CEP70: variants seen among roughly 807,000 people sequenced by gnomAD.
The protein encoded by CEP70 is centrosomal protein 70.
In CEP70, 70 loss-of-function variants were observed where a neutral mutation model predicts 90.9. The observed-to-expected ratio is 0.77, with a 90% confidence interval of 0.64 to 0.94. The LOEUF is 0.94. Among genes scored for constraint, CEP70 ranks in the 40% least tolerant of loss-of-function variants. The probability of loss-of-function intolerance (pLI) is 0.00; values close to 1 mark genes in which losing one functional copy is unlikely to be tolerated. For synonymous variants in CEP70, 220 were observed against 228.3 expected (o/e 0.96, Z 0.33); for missense variants, 648 against 669.0 (o/e 0.97, Z 0.35).
chr3:138,530,898 A>T, intron 8 of CEP70: 6 of 950,676 alleles, frequency 6.3e-6, no homozygotes, highest in Non-Finnish European at 7.5e-6. Context: ...TGAGTTTATA[A>T]TATAAACTCC....
Position 138,560,578 on chromosome 3 carries a change from G to A in CEP70, c.465+9740C>T, listed in dbSNP as rs372334189. 4.6e-5 allele frequency among the ~76,000 whole-genome samples: 7 copies of A among 151,982 alleles called. No individual in the cohort carries two copies. In the East Asian group the frequency reaches 1.4e-3, roughly 29 times the overall value. On this transcript the variant is annotated intron_variant, in intron 6 of 17. Coordinates refer to ENST00000264982, the MANE Select transcript of CEP70 (RefSeq NM_024491.4). ...GCCAGGGAGCCAAGAGGTCTGGGTA[G>A]GCAGGTCCCACCCCCATGGAGCCCA...
chr3:138,516,341 C>A (rs981835701), intron 11 of CEP70, among the ~76,000 whole-genome samples: 3 of 151,890 alleles, frequency 2.0e-5, no homozygotes, highest in Non-Finnish European at 2.9e-5. Flanking sequence ...GAACCTTCCA[C>A]TTCTCTTTTC....
intron 11 of CEP70, among the ~76,000 whole-genome samples, chr3:138,523,927 A>G (rs1208712164): frequency 6.6e-6 from 1 of 151,706 alleles, no homozygotes; most frequent in Non-Finnish European, 1.5e-5. Flanking sequence ...GTCAATCCTA[A>G]GCCAAAAGAA....
intron 2 of CEP70, among the ~76,000 whole-genome samples, chr3:138,590,823 T>TA (rs149845657): frequency 0.051 from 7,261 of 142,670 alleles, 542 homozygotes; most frequent in African/African-American, 0.17. Context: ...AAATAAATAA[T>TA]AAAAAAAAAA....
intron 1 of CEP70, among the ~76,000 whole-genome samples, chr3:138,592,280 T>C (rs1219185483): frequency 6.6e-6 from 1 of 152,214 alleles, no homozygotes; most frequent in Non-Finnish European, 1.5e-5. Context: ...AAATGAAGCA[T>C]CCTCAGACAA....
chr3:138,539,035 G>A (rs1477744247), intron 6 of CEP70, among the ~76,000 whole-genome samples: 1 of 152,148 alleles, frequency 6.6e-6, no homozygotes, highest in Non-Finnish European at 1.5e-5. Context: ...GTTTGTTTGA[G>A]ACAGAGTCTC....
chr3:138,561,100 C>T (rs1430012558), intron 6 of CEP70, among the ~76,000 whole-genome samples: 3 of 152,130 alleles, frequency 2.0e-5, no homozygotes, highest in African/African-American at 4.8e-5. Context: ...GATTGGGAGA[C>T]ACCTCCCAGT....
At position 138,570,330 on chromosome 3, in the gene CEP70, C is replaced by A. The variant is rs2041078942; in HGVS notation, c.453G>T (p.Gln151His). 6.3e-7 allele frequency: 1 copy of A among 1,579,552 alleles called. No homozygotes were observed. Among genetic ancestry groups the A allele is most frequent in the South Asian group, 1.2e-5 (1 of 84,488 alleles). The change falls in exon 6 of 18, where the codon CAG becomes CAT. Residue 151 changes from glutamine to histidine, a missense_variant. Transcript: ENST00000264982. ...CATAACTCAGTACCTGTAAAGTTTT[C>A]TGCTCCTTTTGAAGATCTTTTATTT... ...QNKIKDLQKE[Q>H]KTLQVKCQHY...
chr3:138,539,146 TTACCATCACACCTGGATAGTTGCG>T (rs1036993642), intron 6 of CEP70, among the ~76,000 whole-genome samples: 5 of 152,182 alleles, frequency 3.3e-5, no homozygotes, highest in South Asian at 2.1e-4. Context: ...GTTGCTAGGA[TTACCATCACACCTGGATAGTTGCG>T]TACCATCACA....
chr3:138,551,942 T>A (rs1425694416), intron 6 of CEP70, among the ~76,000 whole-genome samples: 1 of 151,916 alleles, frequency 6.6e-6, no homozygotes, highest in Admixed American at 6.6e-5. Context: ...AACTAACATA[T>A]AAGGACTTAC....
chr3:138,565,273 A>G (rs981050635), intron 6 of CEP70, among the ~76,000 whole-genome samples: 1 of 152,232 alleles, frequency 6.6e-6, no homozygotes, highest in Non-Finnish European at 1.5e-5. Context: ...ATATTGCCCA[A>G]AGTAATTTAT....
chr3:138,589,728 G>C (rs1405716733), intron 2 of CEP70, among the ~76,000 whole-genome samples: 1 of 151,964 alleles, frequency 6.6e-6, no homozygotes, highest in Non-Finnish European at 1.5e-5. Flanking sequence ...ATAAGAAGAA[G>C]AAAAATTAGA....
chr3:138,530,100 A>G (rs149985933), intron 8 of CEP70, among the ~76,000 whole-genome samples: 355 of 152,340 alleles, frequency 2.3e-3, no homozygotes, highest in African/African-American at 8.1e-3. Context: ...GTGCTAGCAA[A>G]TAAGTATGAT....
intron 7 of CEP70, among the ~76,000 whole-genome samples, chr3:138,535,772 T>G (rs1056139404): frequency 2.0e-5 from 3 of 152,070 alleles, no homozygotes; most frequent in Non-Finnish European, 4.4e-5. Flanking sequence ...TTTTTGTTTT[T>G]TCATTCTTCC....
intron 3 of CEP70, among the ~76,000 whole-genome samples, chr3:138,572,366 C>G (rs910867062): frequency 1.3e-5 from 2 of 152,152 alleles, no homozygotes; most frequent in African/African-American, 2.4e-5. Context: ...CAGAGTTTAA[C>G]TACGTGGTAG....
At chr3:138,546,578 G>A (rs564948693) in intron 6 of CEP70, among the ~76,000 whole-genome samples, 26 of 152,100 alleles carry the variant, frequency 1.7e-4, no homozygotes, top group African/African-American at 3.6e-4. Context: ...GTGAAACCCC[G>A]TCTCTACTGA....
rs1178504596 is a variant in CEP70, at chr3:138,583,071, AC to A, written c.-6+8782del. Among the ~76,000 whole-genome samples, 4 of 152,304 alleles carry A rather than the reference AC, an allele frequency of 2.6e-5. No individual in the cohort carries two copies. In the East Asian group the frequency reaches 7.7e-4, roughly 29 times the overall value. ...AACACTAGAGTGGCCGAACTGAAAT[AC>A]ACTTCACCTATAAAGACACATATAG... On this transcript the variant is annotated intron_variant, in intron 2 of 17. Coordinates refer to ENST00000264982, the MANE Select transcript of CEP70 (RefSeq NM_024491.4).
At chr3:138,513,470 T>C (rs996773735) in intron 11 of CEP70, among the ~76,000 whole-genome samples, 9 of 152,236 alleles carry the variant, frequency 5.9e-5, no homozygotes, top group African/African-American at 1.9e-4. Flanking sequence ...TTCTTCTCCC[T>C]ACACTTTAAA....
intron 7 of CEP70, among the ~76,000 whole-genome samples, chr3:138,533,026 A>G (rs1220662323): frequency 6.6e-6 from 1 of 152,234 alleles, no homozygotes; most frequent in Non-Finnish European, 1.5e-5. Flanking sequence ...TCAAGCCTGT[A>G]ATCCCAGCAC....
Sources: allele counts gnomAD v4.1 joint callset (sites outside exome capture counted in the v4.1 genomes callset), GRCh38; gene constraint gnomAD v4.1.1; transcripts MANE v1.5; gene names NCBI Gene and HGNC (gene_info 2026-07-23, HGNC 2026-07-21).